The following BNIP2 variants were observed in gnomAD, a reference collection of about 807,000 sequenced individuals.
BNIP2 encodes the protein BCL2/adenovirus E1B 19 kDa protein-interacting protein 2.
A neutral mutation model predicts 43.4 loss-of-function variants in BNIP2; 36 were observed. The observed-to-expected ratio is 0.83, with a 90% CI of 0.64 to 1.10. BNIP2 has a LOEUF of 1.10. BNIP2 is among the 50% of genes least tolerant of loss of function. The probability of loss-of-function intolerance (pLI) is 0.00; values close to 1 mark genes in which losing one functional copy is unlikely to be tolerated. For missense variants in BNIP2, 417 were observed against 374.1 expected (o/e 1.11, Z -0.95); for synonymous variants, 146 against 121.0 (o/e 1.21, Z -1.35).
At chr15:59,670,885 C>A (rs1412117831) in intron 7 of BNIP2, among the ~76,000 whole-genome samples, 6 of 151,966 alleles carry the variant, frequency 3.9e-5, no homozygotes, top group Non-Finnish European at 8.8e-5. Flanking sequence ...ACCAGCCTGA[C>A]CAACATGGAG....
At chr15:59,678,512 C>T (rs1003916371) in intron 4 of BNIP2, 3 of 1,072,380 alleles carry the variant, frequency 2.8e-6, no homozygotes, top group Non-Finnish European at 3.4e-6. Context: ...CATAAATTAA[C>T]TGTAATACCA....
chr15:59,671,580 T>A (rs1226512499), intron 6 of BNIP2, among the ~76,000 whole-genome samples: 1 of 152,224 alleles, frequency 6.6e-6, no homozygotes, highest in African/African-American at 2.4e-5. Context: ...TATAAATTGG[T>A]AATTGTTGAA....
intron 5 of BNIP2, among the ~76,000 whole-genome samples, chr15:59,674,723 A>C: frequency 6.6e-6 from 1 of 152,214 alleles, no homozygotes; most frequent in East Asian, 1.9e-4. Flanking sequence ...GTAGTATGAC[A>C]TGCTCTACAG....
At chr15:59,685,305 G>A (rs1212427022) in intron 1 of BNIP2, among the ~76,000 whole-genome samples, 1 of 152,114 alleles carries the variant, frequency 6.6e-6, no homozygotes, top group Non-Finnish European at 1.5e-5. Flanking sequence ...TTTGAGACCA[G>A]CCTGACCAAG....
intron 4 of BNIP2, 118 bp downstream of exon 4, chr15:59,679,474 G>A (rs1348371485): frequency 8.3e-7 from 1 of 1,204,008 alleles, no homozygotes; most frequent in Non-Finnish European, 1.1e-6. Context: ...ATATTCAAGG[G>A]TTAGCACAAT....
rs1174349789 is a variant in BNIP2, at chr15:59,676,883, G to A, written c.472+1028C>T. On this transcript the variant is annotated intron_variant, in intron 5 of 9. Coordinates refer to ENST00000607373, the MANE Select transcript of BNIP2 (RefSeq NM_004330.4). Reference sequence around the variant, plus strand: ...TGGGCTCTCGCTGCGTTCGCTCACCGCTGTCACCTGCACGGTGTGGCTGGC... The same window carrying A: ...TGGGCTCTCGCTGCGTTCGCTCACCACTGTCACCTGCACGGTGTGGCTGGC... 2.6e-5 allele frequency: 42 copies of A among 1,595,700 alleles called. No homozygotes were observed. The African/African-American group carries it at 3.6e-4, about 14-fold the overall frequency.
rs6151558 is a variant in BNIP2, at chr15:59,669,712, T to C, written c.708-350A>G. On this transcript the variant is annotated intron_variant, in intron 7 of 9. Coordinates refer to ENST00000607373, the MANE Select transcript of BNIP2 (RefSeq NM_004330.4). ...CTCATTTTCCAAGACTAGGGAGAAA[T>C]TGGTGCTAAGTTCTTCAAAACCATG... 3.7e-3 allele frequency among the ~76,000 whole-genome samples: 556 copies of C among 152,290 alleles called. 1 individual carries two copies. Among genetic ancestry groups the C allele is most frequent in the African/African-American group, 0.013 (523 of 41,570 alleles).
intron 9 of BNIP2, among the ~76,000 whole-genome samples, chr15:59,667,354 T>G (rs1892627132): frequency 6.6e-6 from 1 of 152,244 alleles, no homozygotes; most frequent in Non-Finnish European, 1.5e-5. Context: ...GTTTTGCTAA[T>G]TTAATTGCCA....
intron 1 of BNIP2, among the ~76,000 whole-genome samples, chr15:59,686,235 A>G (rs1894006575): frequency 6.6e-6 from 1 of 152,226 alleles, no homozygotes; most frequent in Non-Finnish European, 1.5e-5. Flanking sequence ...GTTTAGCAAC[A>G]TAAGCAAAAA....
intron 5 of BNIP2, among the ~76,000 whole-genome samples, chr15:59,674,783 G>A (rs1416639027): frequency 2.0e-5 from 3 of 152,148 alleles, no homozygotes; most frequent in African/African-American, 7.2e-5. Context: ...TTTACAATGT[G>A]CCTAGGTTAA....
At chr15:59,688,575 A>C (rs940514119) in intron 1 of BNIP2, 7 of 842,036 alleles carry the variant, frequency 8.3e-6, no homozygotes, top group Non-Finnish European at 1.1e-5. Flanking sequence ...CCATTTTGCC[A>C]GGTATTTAAA....
chr15:59,689,282 C>A lies in BNIP2; in HGVS notation c.-205G>T, dbSNP rs768903148. 9.7e-6 allele frequency: 15 copies of A among 1,545,412 alleles called. No homozygotes were observed. The South Asian group carries it at 1.8e-4, about 18-fold the overall frequency. ...CCCCGGCCCAATCCCCCGGCCGCAGCGGTACGGCGTCGGCGGCAGCAGCTG... is the reference window on the plus strand; with the variant it reads ...CCCCGGCCCAATCCCCCGGCCGCAGAGGTACGGCGTCGGCGGCAGCAGCTG... On this transcript the variant is annotated 5_prime_UTR_variant, in exon 1 of 10. Transcript: ENST00000607373.
intron 9 of BNIP2, among the ~76,000 whole-genome samples, chr15:59,666,628 T>C (rs6151573): frequency 2.5e-4 from 38 of 152,214 alleles, no homozygotes; most frequent in Admixed American, 1.2e-3. Context: ...GACTGGGCCA[T>C]TGCACTCCTG....
In BNIP2 at chr15:59,678,083, A is replaced by G; in HGVS notation, c.300T>C (p.Asp100=). The change falls in exon 5 of 10, where the codon GAT becomes GAC. Residue 100 remains aspartate (D), a synonymous_variant. Coordinates refer to ENST00000607373, the MANE Select transcript of BNIP2 (RefSeq NM_004330.4). ...ENSNEFEWED[D]LPKPKTTEVI... Reference sequence around the variant, plus strand: ...CTTCAGTAGTCTTGGGTTTTGGAAGATCATCTGTCAAAATACAAAGTTTTT... The same window carrying G: ...CTTCAGTAGTCTTGGGTTTTGGAAGGTCATCTGTCAAAATACAAAGTTTTT... 6.3e-7 allele frequency: 1 copy of G among 1,598,570 alleles called. No homozygotes were observed. Among genetic ancestry groups the G allele is most frequent in the Non-Finnish European group, 8.5e-7 (1 of 1,175,602 alleles).
chr15:59,668,741 TCC>T (rs202167337), intron 9 of BNIP2, 149 bp downstream of exon 9: 1 of 539,832 alleles, frequency 1.9e-6, no homozygotes, highest in Non-Finnish European at 2.9e-6. Flanking sequence ...AATGGCTTCT[TCC>T]TCTTTTTCTT....
chr15:59,671,101 A>G (rs1164454759), intron 7 of BNIP2, 82 bp downstream of exon 7: 1 of 1,284,080 alleles, frequency 7.8e-7, no homozygotes, highest in Non-Finnish European at 1.0e-6. Context: ...AAAAAAAAAA[A>G]TAGCAACGAA....
chr15:59,688,667 G>T (rs1894178080), intron 1 of BNIP2: 1 of 1,514,138 alleles, frequency 6.6e-7, no homozygotes, highest in African/African-American at 1.4e-5. Context: ...TACTAGGGAA[G>T]ATCTATTAAA....
chr15:59,675,318 C>G (rs974186682), intron 5 of BNIP2, among the ~76,000 whole-genome samples: 1 of 145,532 alleles, frequency 6.9e-6, no homozygotes, highest in Non-Finnish European at 1.5e-5. Context: ...GTTAAAAAGT[C>G]CAAGTTTTAG....
intron 6 of BNIP2, 43 bp from the exon 7 acceptor site, chr15:59,671,357 C>T (rs781469471): frequency 9.2e-6 from 14 of 1,516,162 alleles, no homozygotes; most frequent in South Asian, 2.4e-5. Context: ...AATCACTGTG[C>T]ATAACTGAAC....
Sources: gnomAD v4.1 joint callset for allele counts (sites outside exome capture counted in the v4.1 genomes callset) on GRCh38, gnomAD v4.1.1 for gene constraint, MANE v1.5 for transcripts, NCBI Gene and HGNC (gene_info 2026-07-23, HGNC 2026-07-21) for gene names.